TAF3: variants seen among roughly 807,000 people sequenced by gnomAD.
The protein encoded by TAF3 is transcription initiation factor TFIID subunit 3.
In TAF3, 7 loss-of-function variants were observed where a neutral mutation model predicts 80.6. The ratio of observed to expected loss-of-function variants is 0.09; its 90% CI spans 0.05 to 0.16. The LOEUF (loss-of-function observed/expected upper bound fraction) is 0.16. Among genes scored for constraint, TAF3 ranks in the 10% least tolerant of loss-of-function variants. The pLI is 1.00. For missense variants in TAF3, 921 were observed against 1,140.2 expected (o/e 0.81, Z 2.77); for synonymous variants, 444 against 446.1 (o/e 1.00, Z 0.06).
intron 1 of TAF3, among the ~76,000 whole-genome samples, chr10:7,821,492 A>G (rs751037946): frequency 1.3e-5 from 2 of 152,248 alleles, no homozygotes; most frequent in Non-Finnish European, 2.9e-5. Context: ...ATGTCAGGAA[A>G]CAACAAACTG....
intron 4 of TAF3, among the ~76,000 whole-genome samples, chr10:8,004,062 T>A (rs1421418288): frequency 6.6e-6 from 1 of 152,140 alleles, no homozygotes; most frequent in East Asian, 1.9e-4. Flanking sequence ...TTTTATTTAT[T>A]TTTTTTGAGA....
intron 4 of TAF3, among the ~76,000 whole-genome samples, chr10:8,008,046 C>T (rs1279117848): frequency 3.3e-5 from 5 of 151,072 alleles, no homozygotes; most frequent in South Asian, 4.2e-4. Context: ...CAGAAGCTGC[C>T]GCTGCATTAC....
In TAF3 at chr10:7,900,823, TG is replaced by T. The variant is rs149946202; in HGVS notation, c.410-63096del. Among the ~76,000 whole-genome samples, 201 of 152,326 alleles carry T rather than the reference TG, an allele frequency of 1.3e-3. 2 individuals are homozygous for T. In the East Asian group the frequency reaches 0.033, roughly 25 times the overall value. ...CTTCGTATTAAGAAGGTAAAGATTTTGATTAGAAGCACATGGATTTTCTCCT... is the reference window on the plus strand; with the variant it reads ...CTTCGTATTAAGAAGGTAAAGATTTTATTAGAAGCACATGGATTTTCTCCT... On this transcript the variant is annotated intron_variant, in intron 2 of 6. Transcript: ENST00000344293.
intron 2 of TAF3, among the ~76,000 whole-genome samples, chr10:7,944,093 T>TTG (rs35219363): frequency 0.14 from 18,656 of 136,990 alleles, 1,328 homozygotes; most frequent in African/African-American, 0.22. Context: ...ATGTTCATGC[T>TTG]TGTGTGTGTG....
intron 4 of TAF3, among the ~76,000 whole-genome samples, chr10:7,992,891 A>C (rs763868410): frequency 6.6e-6 from 1 of 152,194 alleles, no homozygotes; most frequent in Non-Finnish European, 1.5e-5. Context: ...TTTATTCCCA[A>C]CGCATTTCCA....
intron 2 of TAF3, among the ~76,000 whole-genome samples, chr10:7,903,302 C>T (rs532485732): frequency 3.9e-5 from 6 of 152,308 alleles, no homozygotes; most frequent in Admixed American, 2.0e-4. Context: ...GAGGCCCCTA[C>T]AGGTGACCCC....
At chr10:7,999,844 A>G (rs1831926576) in intron 4 of TAF3, among the ~76,000 whole-genome samples, 1 of 151,882 alleles carries the variant, frequency 6.6e-6, no homozygotes, top group African/African-American at 2.4e-5. Flanking sequence ...TTGGTCTGCT[A>G]TGGATGATGC....
chr10:7,967,575 T>C (rs1164754210), intron 3 of TAF3, among the ~76,000 whole-genome samples: 2 of 152,230 alleles, frequency 1.3e-5, no homozygotes, highest in African/African-American at 4.8e-5. Context: ...TGTAGAAAAT[T>C]CAGCTATCTT....
At chr10:7,927,925 G>T (rs553799400) in intron 2 of TAF3, among the ~76,000 whole-genome samples, 1 of 151,964 alleles carries the variant, frequency 6.6e-6, no homozygotes, top group Non-Finnish European at 1.5e-5. Context: ...GAATTACAGG[G>T]TCAAGATTTT....
In TAF3 at chr10:8,016,205, G is replaced by A. The variant is rs1832102848; in HGVS notation, c.*1454G>A. 1 of 152,136 alleles carries A rather than the reference G, an allele frequency of 6.6e-6. No homozygotes were observed. Among genetic ancestry groups the A allele is most frequent in the African/African-American group, 2.4e-5 (1 of 41,436 alleles). The allele number at this position is 152,136 out of a possible 1,614,324, so 9.4% of individuals were successfully genotyped here. A position where few individuals can be genotyped will look rare whatever the true frequency, so the allele number is the denominator to read the frequency against. On this transcript the variant is annotated 3_prime_UTR_variant, in exon 7 of 7. Coordinates refer to ENST00000344293, the MANE Select transcript of TAF3 (RefSeq NM_031923.4). Reference sequence around the variant, plus strand: ...TAATCCCAGTGTAGGCCCATGTGCTGGATCTGTTGGATGCTAGAATATGGG... The same window carrying A: ...TAATCCCAGTGTAGGCCCATGTGCTAGATCTGTTGGATGCTAGAATATGGG...
chr10:7,891,127 T>A (rs1837454080), intron 2 of TAF3, among the ~76,000 whole-genome samples: 1 of 152,238 alleles, frequency 6.6e-6, no homozygotes, highest in South Asian at 2.1e-4. Flanking sequence ...GTAAGTCAAT[T>A]GAACAGAGGC....
At chr10:7,962,733 C>G (rs1264245009) in intron 2 of TAF3, among the ~76,000 whole-genome samples, 1 of 152,230 alleles carries the variant, frequency 6.6e-6, no homozygotes, top group Non-Finnish European at 1.5e-5. Context: ...AGATCTGTCT[C>G]TCCTTTGACC....
In TAF3 at chr10:8,003,199, G is replaced by GT. The variant is rs565989249; in HGVS notation, c.2316-5871dup. On this transcript the variant is annotated intron_variant, in intron 4 of 6. Transcript: ENST00000344293. ...TGTGCTACTTCTTTAGTGTTCAGTG[G>GT]TTTTTTTTCTCTCTCTCTCTTTTCT... Among the ~76,000 whole-genome samples the GT allele has an allele frequency of 5.0e-3, 745 of 150,474 alleles. 8 individuals carry two copies. The highest frequency in any genetic ancestry group is 0.011 in the African/African-American group (467 of 41,086).
intron 2 of TAF3, among the ~76,000 whole-genome samples, chr10:7,827,615 A>G (rs904887788): frequency 2.0e-5 from 3 of 152,102 alleles, no homozygotes; most frequent in Non-Finnish European, 4.4e-5. Context: ...CCCCGTCTCT[A>G]CTAAAGATAC....
intron 2 of TAF3, among the ~76,000 whole-genome samples, chr10:7,875,012 T>C (rs1224442988): frequency 6.6e-6 from 1 of 152,172 alleles, no homozygotes; most frequent in Non-Finnish European, 1.5e-5. Flanking sequence ...CTGTTTTTCT[T>C]TTGATACTCA....
At chr10:7,852,263 G>A (rs1284373484) in intron 2 of TAF3, among the ~76,000 whole-genome samples, 1 of 152,144 alleles carries the variant, frequency 6.6e-6, no homozygotes, top group African/African-American at 2.4e-5. Flanking sequence ...ATTCTTGAAT[G>A]TCATCAAATA....
At chr10:7,932,750 T>A (rs1262804693) in intron 2 of TAF3, among the ~76,000 whole-genome samples, 1 of 144,986 alleles carries the variant, frequency 6.9e-6, no homozygotes, top group African/African-American at 2.6e-5. Flanking sequence ...CAGTCGTGGC[T>A]GACTACAGCC....
chr10:7,926,993 A>G (rs920281239), intron 2 of TAF3, among the ~76,000 whole-genome samples: 3 of 152,188 alleles, frequency 2.0e-5, no homozygotes, highest in Non-Finnish European at 4.4e-5. Flanking sequence ...GTGGCCTACC[A>G]TGGAAAATAC....
intron 2 of TAF3, among the ~76,000 whole-genome samples, chr10:7,956,050 A>C (rs894340160): frequency 5.3e-5 from 8 of 152,208 alleles, no homozygotes; most frequent in African/African-American, 1.9e-4. Flanking sequence ...AAAGTTTCCC[A>C]AAATTATACT....
Sources: allele counts gnomAD v4.1 joint callset (sites outside exome capture counted in the v4.1 genomes callset), GRCh38; gene constraint gnomAD v4.1.1; transcripts MANE v1.5; gene names NCBI Gene and HGNC (gene_info 2026-07-23, HGNC 2026-07-21).